Variants in POU6F2 observed in about 807,000 individuals in gnomAD.
The protein encoded by POU6F2 is POU domain, class 6, transcription factor 2.
In POU6F2, 31 loss-of-function variants were observed where a neutral mutation model predicts 71.3. That is an observed-to-expected ratio of 0.43 (90% CI 0.33 to 0.59). POU6F2 has a LOEUF of 0.59. POU6F2 is among the 20% of genes least tolerant of loss of function. The pLI is 0.04. For missense variants in POU6F2, 783 were observed against 856.8 expected, an observed-to-expected ratio of 0.91 and a Z score of 1.07; for synonymous variants, 347 against 355.7, an observed-to-expected ratio of 0.98 and a Z score of 0.27.
intron 2 of POU6F2, among the ~76,000 whole-genome samples, chr7:39,181,901 A>G (rs1490243746): frequency 6.6e-6 from 1 of 152,128 alleles, no homozygotes; most frequent in African/African-American, 2.4e-5. Context: ...CTCTCAGTTC[A>G]TTTCCCACCT....
chr7:39,248,424 G>C (rs1479635698), intron 4 of POU6F2, among the ~76,000 whole-genome samples: 1 of 152,120 alleles, frequency 6.6e-6, no homozygotes, highest in Admixed American at 6.5e-5. Flanking sequence ...TGCCCCCATC[G>C]CCTTTCCCCT....
intron 1 of POU6F2, among the ~76,000 whole-genome samples, chr7:39,016,066 TATATAG>T (rs1469340117): frequency 0.14 from 9,286 of 65,074 alleles, 1,724 homozygotes; most frequent in Non-Finnish European, 0.21. Flanking sequence ...TTATATATAA[TATATAG>T]ATATATATTA....
Position 39,464,628 on chromosome 7 carries a change from A to G in POU6F2, c.2105A>G (p.Glu702Gly), listed in dbSNP as rs764663474. 2 of 1,609,478 alleles carry G rather than the reference A, an allele frequency of 1.2e-6. No homozygotes were observed. Among genetic ancestry groups the G allele is most frequent in the South Asian group, 1.1e-5 (1 of 89,908 alleles). ...KNTIKRLKQH[E>G]PATAVPLEPL... ...ACAATTAAACGCTTAAAACAGCACG[A>G]GCCGGCCACGGCAGTCCCTTTGGAG... is the stretch of plus-strand genomic sequence containing the variant. Residue 702 changes from glutamate to glycine, a missense_variant, in exon 10 of 10, where the codon GAG becomes GGG. Physicochemically the swap from Glu to Gly is moderately conservative, Grantham distance 98. Coordinates refer to ENST00000518318, the MANE Select transcript of POU6F2 (RefSeq NM_001370959.1). This position sits in a 1 kb window ranked among gnomAD's most constrained non-coding sequence, Gnocchi z 4.1.
chr7:39,108,616 T>C (rs1791741525), intron 2 of POU6F2, among the ~76,000 whole-genome samples: 1 of 152,172 alleles, frequency 6.6e-6, no homozygotes, highest in Non-Finnish European at 1.5e-5. Context: ...GATATCTTCA[T>C]TTGCCCAGAG....
chr7:39,430,788 C>T (rs560088401), intron 6 of POU6F2, among the ~76,000 whole-genome samples: 4 of 152,302 alleles, frequency 2.6e-5, no homozygotes, highest in South Asian at 4.1e-4. Context: ...AGCCCTGCCC[C>T]GTAGATGCAT....
intron 1 of POU6F2, among the ~76,000 whole-genome samples, chr7:39,060,395 G>A (rs577555191): frequency 5.9e-5 from 9 of 152,220 alleles, no homozygotes; most frequent in Admixed American, 5.2e-4. Context: ...TCTGGTGATG[G>A]CTGCACACAT....
At chr7:39,052,041 G>C (rs185840741) in intron 1 of POU6F2, among the ~76,000 whole-genome samples, 1 of 152,234 alleles carries the variant, frequency 6.6e-6, no homozygotes, top group African/African-American at 2.4e-5. Context: ...GGGGCTGACT[G>C]CTGATTATTT....
intron 6 of POU6F2, among the ~76,000 whole-genome samples, chr7:39,429,815 C>G (rs531011484): frequency 1.9e-4 from 29 of 152,332 alleles, no homozygotes; most frequent in Admixed American, 8.5e-4. Context: ...TCCCCTACAG[C>G]CTTGTCAAAC....
chr7:39,248,255 C>T (rs1175846421), intron 4 of POU6F2, among the ~76,000 whole-genome samples: 5 of 152,184 alleles, frequency 3.3e-5, no homozygotes, highest in Admixed American at 3.3e-4. Flanking sequence ...AGCTCACTCT[C>T]AGACTAAGCA....
chr7:39,102,317 T>C (rs1408562750), intron 2 of POU6F2, among the ~76,000 whole-genome samples: 1 of 152,220 alleles, frequency 6.6e-6, no homozygotes, highest in Admixed American at 6.5e-5. Flanking sequence ...TTACAATGAC[T>C]CTTGCCTTCT....
chr7:39,174,094 G>A (rs1793280372), intron 2 of POU6F2, among the ~76,000 whole-genome samples: 1 of 152,256 alleles, frequency 6.6e-6, no homozygotes, highest in Non-Finnish European at 1.5e-5. Context: ...GATCTACCAA[G>A]TGGGGGTGTG....
chr7:39,291,248 T>G (rs532593962), intron 4 of POU6F2, among the ~76,000 whole-genome samples: 2 of 152,146 alleles, frequency 1.3e-5, no homozygotes, highest in Non-Finnish European at 2.9e-5. Context: ...ATTAAATGAG[T>G]CTTTTGAAAG....
intron 4 of POU6F2, among the ~76,000 whole-genome samples, chr7:39,315,998 G>C (rs756945690): frequency 2.2e-4 from 34 of 152,306 alleles, no homozygotes; most frequent in Non-Finnish European, 3.8e-4. Flanking sequence ...GGAGCAGCTT[G>C]AGGAGGCCCT....
intron 5 of POU6F2, among the ~76,000 whole-genome samples, chr7:39,395,328 C>A (rs1042503377): frequency 6.6e-6 from 1 of 152,218 alleles, no homozygotes; most frequent in Non-Finnish European, 1.5e-5. Context: ...TTTCTCAACA[C>A]CACACCTTTG....
rs147390126 is a variant in POU6F2 at position 39,168,590 on chromosome 7, C to T, written c.278-35645C>T. On this transcript the variant is annotated intron_variant, in intron 2 of 9. Coordinates refer to ENST00000518318, the MANE Select transcript of POU6F2 (RefSeq NM_001370959.1). Reference sequence around the variant, plus strand: ...CCCTTTCTCCCCACCTCTGGCCTGACGTAATGGTTGTGACTGAGTTGGAAG... The same window carrying T: ...CCCTTTCTCCCCACCTCTGGCCTGATGTAATGGTTGTGACTGAGTTGGAAG... Among the ~76,000 whole-genome samples the T allele has an allele frequency of 9.2e-5, 14 of 152,226 alleles. No individual in the cohort carries two copies. The East Asian group carries it at 2.5e-3, about 27-fold the overall frequency.
At chr7:39,463,786 G>C (rs1789002678) in intron 9 of POU6F2, among the ~76,000 whole-genome samples, 1 of 152,214 alleles carries the variant, frequency 6.6e-6, no homozygotes. Flanking sequence ...TGTGACAACT[G>C]TCATCTTTGA....
chr7:39,085,665 C>T (rs148403366), intron 1 of POU6F2, 195 bp from the exon 2 acceptor site: 310 of 541,802 alleles, frequency 5.7e-4, no homozygotes, highest in African/African-American at 5.6e-3. Context: ...GAGAACTCAT[C>T]GGATCTGTAA....
intron 5 of POU6F2, among the ~76,000 whole-genome samples, chr7:39,400,690 G>A (rs1470422467): frequency 6.6e-6 from 1 of 152,068 alleles, no homozygotes; most frequent in Admixed American, 6.5e-5. Flanking sequence ...AAAAACCTTA[G>A]GTTACCTTAA....
At chr7:39,408,658 A>G (rs1787488099) in intron 6 of POU6F2, among the ~76,000 whole-genome samples, 1 of 152,248 alleles carries the variant, frequency 6.6e-6, no homozygotes, top group Admixed American at 6.5e-5. Flanking sequence ...AAAAAAAATT[A>G]CATTCACAGA....
Sources: allele counts gnomAD v4.1 joint callset (sites outside exome capture counted in the v4.1 genomes callset), GRCh38; gene constraint gnomAD v4.1.1; non-coding constraint Gnocchi (gnomAD v3.1); transcripts MANE v1.5; gene names NCBI Gene and HGNC (gene_info 2026-07-23, HGNC 2026-07-21).